The following FERMT1 variants were observed in gnomAD, a reference collection of about 807,000 sequenced individuals.
The protein encoded by FERMT1 is FERM domain containing kindlin 1, also known as fermitin family homolog 1.
A neutral mutation model predicts 85.3 loss-of-function variants in FERMT1; 60 were observed. The ratio of observed to expected loss-of-function variants is 0.70; its 90% confidence interval spans 0.57 to 0.87. The LOEUF (loss-of-function observed/expected upper bound fraction) is 0.87. Among genes scored for constraint, FERMT1 ranks in the 40% least tolerant of loss-of-function variants. The pLI, the probability that FERMT1 is intolerant of heterozygous loss-of-function variation, is 0.00. For synonymous variants in FERMT1, 275 were observed against 301.1 expected, an observed-to-expected ratio of 0.91 and a Z score of 0.90; for missense variants, 701 against 818.9, an observed-to-expected ratio of 0.86 and a Z score of 1.76.
At chr20:6,118,143 C>G (rs530443287) in intron 2 of FERMT1, among the ~76,000 whole-genome samples, 9 of 152,112 alleles carry the variant, frequency 5.9e-5, no homozygotes, top group Non-Finnish European at 1.3e-4. Context: ...CCCAAATGTC[C>G]ATTAAGAGGT....
chr20:6,119,472 T>G lies in FERMT1; in HGVS notation c.83A>C (p.Asp28Ala). 6.2e-7 allele frequency: 1 copy of G among 1,614,200 alleles called. No homozygotes were observed. The highest frequency in any genetic ancestry group is 8.5e-7 in the Non-Finnish European group (1 of 1,180,016). Residue 28 changes from aspartate (D) to alanine (A), a missense_variant, in exon 2 of 15, where the codon GAC (aspartate) becomes GCC (alanine). Coordinates refer to ENST00000217289, the MANE Select transcript of FERMT1 (RefSeq NM_017671.5). Reference protein sequence around the residue: ...VDHPNEEQQKDVTLRVSGDLH... With the variant: ...VDHPNEEQQKAVTLRVSGDLH... The stretch of plus-strand genomic sequence containing the variant: ...GTCTCCAGATACTCTCAGTGTGACG[T>G]CTTTCTGCTGCTCTTCATTGGGATG...
chr20:6,088,129 C>T (rs1982237247), intron 10 of FERMT1, among the ~76,000 whole-genome samples: 1 of 152,112 alleles, frequency 6.6e-6, no homozygotes, highest in African/African-American at 2.4e-5. Context: ...AGTTCATTTT[C>T]AGGTTAATGC....
Position 6,104,109 on chromosome 20 carries a change from G to A in FERMT1, c.849+3423C>T, listed in dbSNP as rs552790993. On this transcript the variant is annotated intron_variant, in intron 6 of 14. Transcript: ENST00000217289. This position sits in a 1 kb window ranked among gnomAD's most constrained non-coding sequence, Gnocchi z 4.2. The stretch of plus-strand genomic sequence containing the variant: ...TAGTCTCGAACTTCTAACCTCAGGC[G>A]ATCCACCCGCCTCAGCCTCCCAAAG... Among the ~76,000 whole-genome samples the A allele has an allele frequency of 2.0e-5, 3 of 152,056 alleles. No homozygotes were observed. The highest frequency in any genetic ancestry group is 4.8e-5 in the African/African-American group (2 of 41,378).
chr20:6,098,920 A>G (rs992424698), intron 6 of FERMT1, among the ~76,000 whole-genome samples: 3 of 152,216 alleles, frequency 2.0e-5, no homozygotes, highest in African/African-American at 7.2e-5. Context: ...AAAGTTAAAC[A>G]TAGAATATAA....
chr20:6,079,601 TAA>T, intron 13 of FERMT1, 24 bp from the exon 14 acceptor site: 1 of 1,606,372 alleles, frequency 6.2e-7, no homozygotes, highest in Non-Finnish European at 8.5e-7. Context: ...TAATATTAGT[TAA>T]GAGAAGCAAC....
At position 6,115,860 on chromosome 20, in the gene FERMT1, G is replaced by A; in HGVS notation, c.336C>T (p.Ser112=). ...PNLKMVRLRV[S]FSAVVFKAVS... ...CAGCTTTAAAAACCACAGCTGAGAAGCTGACTCGCAACCTCACCATCTTCA... is the reference window on the plus strand; with the variant it reads ...CAGCTTTAAAAACCACAGCTGAGAAACTGACTCGCAACCTCACCATCTTCA... Residue 112 remains serine, a synonymous_variant, in exon 3 of 15, where the codon AGC becomes AGT. Transcript: ENST00000217289. 1 of 1,614,170 alleles carries A rather than the reference G, an allele frequency of 6.2e-7. No individual in the cohort carries two copies. Among genetic ancestry groups the A allele is most frequent in the South Asian group, 1.1e-5 (1 of 91,078 alleles).
In FERMT1 at chr20:6,119,365, T is replaced by A. The variant is rs753406861; in HGVS notation, c.151+39A>T. On this transcript the variant is annotated intron_variant, in intron 2 of 14. Transcript: ENST00000217289. ...ATTAGTGGTGATGCACCAGACAGGGTTTCTAATACAGAGAAACCGTAAAGC... is the reference window on the plus strand; with the variant it reads ...ATTAGTGGTGATGCACCAGACAGGGATTCTAATACAGAGAAACCGTAAAGC... The A allele has an allele frequency of 1.9e-6, 3 of 1,606,774 alleles. No individual in the cohort carries two copies. The East Asian group carries it at 6.7e-5, about 36-fold the overall frequency.
At chr20:6,083,617 T>C (rs528382255) in intron 13 of FERMT1, among the ~76,000 whole-genome samples, 87 of 143,104 alleles carry the variant, frequency 6.1e-4, no homozygotes, top group African/African-American at 2.2e-3. Context: ...TTGCTTGAGA[T>C]CAGGAGTTCG....
intron 10 of FERMT1, among the ~76,000 whole-genome samples, chr20:6,088,150 A>G (rs1454047753): frequency 6.6e-6 from 1 of 152,242 alleles, no homozygotes; most frequent in Non-Finnish European, 1.5e-5. Context: ...TGGCTCTCCA[A>G]ACTCATAGAA....
chr20:6,091,668 T>C (rs1461261733), intron 9 of FERMT1, among the ~76,000 whole-genome samples: 2 of 152,232 alleles, frequency 1.3e-5, no homozygotes, highest in Non-Finnish European at 2.9e-5. Context: ...TCTAAATATT[T>C]CTCTTTAGGA....
intron 4 of FERMT1, among the ~76,000 whole-genome samples, chr20:6,111,595 G>A (rs1982951220): frequency 3.3e-5 from 5 of 152,002 alleles, no homozygotes; most frequent in Admixed American, 3.3e-4. Flanking sequence ...TTGTGCCACT[G>A]CACTCCAGCT....
chr20:6,087,869 G>C lies in FERMT1; in HGVS notation c.1279C>G (p.Pro427Ala), dbSNP rs772213087. 4 of 1,601,966 alleles carry C rather than the reference G, an allele frequency of 2.5e-6. No individual in the cohort carries two copies. In the African/African-American group the frequency reaches 4.0e-5, roughly 16 times the overall value. Residue 427 changes from proline to alanine, a missense_variant, in exon 11 of 15, where the codon CCC (proline) becomes GCC (alanine). Coordinates refer to ENST00000217289, the MANE Select transcript of FERMT1 (RefSeq NM_017671.5). ...KLNLRGCEVVPDVNVAGRKFG... is the reference protein window; with the variant it reads ...KLNLRGCEVVADVNVAGRKFG... ...TTTCTTCCTGCTACATTTACATCGGGCACAACTTCGCAGCCTGAAGGACAA... is the reference window on the plus strand; with the variant it reads ...TTTCTTCCTGCTACATTTACATCGGCCACAACTTCGCAGCCTGAAGGACAA...
In FERMT1 at chr20:6,088,988, G is replaced by C. The variant is rs746370433; in HGVS notation, c.1241C>G (p.Pro414Arg). ...ACCTCTAAGATTTAGTTTTTCTAGT[G>C]GTTCTCCTTGTTCAAGTTCCTTATT... ...FKNKELEQGE[P>R]LEKLNLRGCE... The change falls in exon 10 of 15, where the codon CCA becomes CGA. Residue 414 changes from proline to arginine, a missense_variant. Pro to Arg is a moderately radical substitution (Grantham distance 103). Coordinates refer to ENST00000217289, the MANE Select transcript of FERMT1 (RefSeq NM_017671.5). 25 of 1,612,022 alleles carry C rather than the reference G, an allele frequency of 1.6e-5. No individual in the cohort carries two copies. The highest frequency in any genetic ancestry group is 2.0e-5 in the Non-Finnish European group (23 of 1,178,602).
chr20:6,121,853 A>C (rs960186474), intron 1 of FERMT1, among the ~76,000 whole-genome samples: 1 of 152,192 alleles, frequency 6.6e-6, no homozygotes, highest in African/African-American at 2.4e-5. Flanking sequence ...ACGTGAACTA[A>C]ATTCTCAGTA....
intron 13 of FERMT1, among the ~76,000 whole-genome samples, chr20:6,083,430 G>C (rs1017154350): frequency 1.3e-5 from 2 of 152,146 alleles, no homozygotes; most frequent in South Asian, 4.1e-4. Flanking sequence ...GATAAACCTG[G>C]GTAGAAATAA....
chr20:6,110,149 A>G, intron 5 of FERMT1, 149 bp downstream of exon 5: 1 of 713,326 alleles, frequency 1.4e-6, no homozygotes. Flanking sequence ...CAAAGGCTGA[A>G]TTTTTCCCCT....
intron 5 of FERMT1, 136 bp from the exon 6 acceptor site, chr20:6,107,770 A>G (rs1982839464): frequency 3.5e-6 from 2 of 569,174 alleles, no homozygotes; most frequent in African/African-American, 3.8e-5. Context: ...ATTGAGTATC[A>G]CTAATTTGAA....
rs1458005049 is a variant in FERMT1 at position 6,110,573 on chromosome 20, A to T, written c.533-62T>A. The T allele has an allele frequency of 1.2e-5, 15 of 1,251,400 alleles. No individual in the cohort carries two copies. In the East Asian group the frequency reaches 1.6e-4, roughly 14 times the overall value. 77.5% of individuals were successfully genotyped at this position (1,251,400 alleles called of 1,614,324 possible). Reference sequence around the variant, plus strand: ...ATCCAGGGATATAAATCTTCAAGAAAATATTAACATTACTTACACTAAAAT... The same window carrying T: ...ATCCAGGGATATAAATCTTCAAGAATATATTAACATTACTTACACTAAAAT... On this transcript the variant is annotated intron_variant, in intron 4 of 14. Coordinates refer to ENST00000217289, the MANE Select transcript of FERMT1 (RefSeq NM_017671.5).
At chr20:6,084,420 T>C (rs1170940478) in intron 12 of FERMT1, among the ~76,000 whole-genome samples, 1 of 152,192 alleles carries the variant, frequency 6.6e-6, no homozygotes, top group Non-Finnish European at 1.5e-5. Context: ...TCCCTCTGTC[T>C]GAGGTCTGTG....
Sources: gnomAD v4.1 joint callset for allele counts (sites outside exome capture counted in the v4.1 genomes callset) on GRCh38, gnomAD v4.1.1 for gene constraint, Gnocchi (gnomAD v3.1) non-coding constraint, MANE v1.5 for transcripts, NCBI Gene and HGNC (gene_info 2026-07-23, HGNC 2026-07-21) for gene names.